Variants in EFR3A observed in about 807,000 individuals in gnomAD.
EFR3A encodes the protein protein EFR3 homolog A.
Under a neutral mutation model 104.4 loss-of-function variants are expected in EFR3A, and 76 were observed. The ratio of observed to expected loss-of-function variants is 0.73; its 90% CI spans 0.60 to 0.88. EFR3A has a LOEUF of 0.88. Among genes scored for constraint, EFR3A ranks in the 40% least tolerant of loss-of-function variants. The pLI is 0.00. For synonymous variants in EFR3A, 330 were observed against 330.0 expected, an observed-to-expected ratio of 1.00 and a Z score of 0.00; for missense variants, 985 against 1,012.5, an observed-to-expected ratio of 0.97 and a Z score of 0.37.
At chr8:131,924,107 A>G (rs1223497402) in intron 1 of EFR3A, 1 of 444,336 alleles carries the variant, frequency 2.3e-6, no homozygotes, top group Non-Finnish European at 4.5e-6. Flanking sequence ...ATGAATGCTT[A>G]TTAGATTGTT....
intron 1 of EFR3A, among the ~76,000 whole-genome samples, chr8:131,906,663 T>C (rs536593626): frequency 1.3e-5 from 2 of 152,322 alleles, no homozygotes; most frequent in Non-Finnish European, 2.9e-5. Flanking sequence ...ACTAGAATTA[T>C]TTTGGAGATC....
At chr8:131,929,164 T>A (rs1011695947) in intron 1 of EFR3A, among the ~76,000 whole-genome samples, 10 of 152,318 alleles carry the variant, frequency 6.6e-5, no homozygotes, top group Non-Finnish European at 1.5e-4. Flanking sequence ...TCATTCTCTC[T>A]TCTTGATATC....
At chr8:131,984,418 C>A in intron 15 of EFR3A, 118 bp downstream of exon 15, 1 of 954,284 alleles carries the variant, frequency 1.0e-6, no homozygotes, top group Non-Finnish European at 1.5e-6. Flanking sequence ...AGTTGTAAAT[C>A]TAAAATACTC....
At chr8:131,930,152 G>T (rs966933225) in intron 1 of EFR3A, among the ~76,000 whole-genome samples, 2 of 152,118 alleles carry the variant, frequency 1.3e-5, no homozygotes, top group Non-Finnish European at 2.9e-5. Context: ...AAACTCTTAA[G>T]AGTTTGTTTA....
At chr8:131,981,839 C>T (rs954959772) in intron 14 of EFR3A, among the ~76,000 whole-genome samples, 2 of 151,968 alleles carry the variant, frequency 1.3e-5, no homozygotes, top group African/African-American at 2.4e-5. Context: ...ACCCCTTATA[C>T]ATTGGGAGGT....
At chr8:131,950,832 A>G (rs1237498057) in intron 5 of EFR3A, among the ~76,000 whole-genome samples, 2 of 152,114 alleles carry the variant, frequency 1.3e-5, no homozygotes, top group Non-Finnish European at 1.5e-5. Flanking sequence ...ATTTTTAAAC[A>G]TTTCTTCTGG....
At chr8:131,990,814 T>G (rs1409026812) in intron 18 of EFR3A, among the ~76,000 whole-genome samples, 3 of 152,092 alleles carry the variant, frequency 2.0e-5, no homozygotes, top group African/African-American at 7.2e-5. Flanking sequence ...TTTATAGGCA[T>G]TTGATTGGTA....
intron 1 of EFR3A, among the ~76,000 whole-genome samples, chr8:131,929,374 T>G (rs1317535353): frequency 6.6e-6 from 1 of 152,176 alleles, no homozygotes; most frequent in Non-Finnish European, 1.5e-5. Flanking sequence ...AAAACCACAT[T>G]GTTTAAACCT....
chr8:131,904,364 G>A (rs954141582), intron 1 of EFR3A, 42 bp downstream of exon 1: 8 of 1,244,646 alleles, frequency 6.4e-6, no homozygotes, highest in African/African-American at 1.6e-5. Context: ...GGAGGCGACT[G>A]CCTGCGCGAC....
At chr8:131,952,081 A>G (rs1316572628) in intron 5 of EFR3A, among the ~76,000 whole-genome samples, 2 of 152,032 alleles carry the variant, frequency 1.3e-5, no homozygotes, top group Non-Finnish European at 1.5e-5. Flanking sequence ...AGAGTCATGC[A>G]TCACAATCTT....
At chr8:131,905,807 T>A (rs764362212) in intron 1 of EFR3A, among the ~76,000 whole-genome samples, 3 of 152,224 alleles carry the variant, frequency 2.0e-5, no homozygotes, top group Non-Finnish European at 2.9e-5. Context: ...TAAGCACCTA[T>A]TGAAAGTTGA....
Position 131,985,042 on chromosome 8 carries a change from T to G in EFR3A, c.1851T>G (p.Phe617Leu), listed in dbSNP as rs1218033013. 1.2e-6 allele frequency: 2 copies of G among 1,613,334 alleles called. No individual in the cohort carries two copies. The highest frequency in any genetic ancestry group is 1.7e-6 in the Non-Finnish European group (2 of 1,179,516). ...GTCAGATGATAGCTGTCCCTGCATT[T>G]TGCCAGCATGTTAGCAAGGTAATGT... ...FVSQMIAVPA[F>L]CQHVSKVIEI... Residue 617 changes from phenylalanine to leucine, a missense_variant, in exon 16 of 23, where the codon TTT (phenylalanine) becomes TTG (leucine). Physicochemically the swap from Phe to Leu is conservative, Grantham distance 22 (BLOSUM62 0). Transcript: ENST00000254624.
chr8:131,922,405 A>G (rs974932080), intron 1 of EFR3A, among the ~76,000 whole-genome samples: 4 of 152,156 alleles, frequency 2.6e-5, no homozygotes, highest in Admixed American at 2.0e-4. Flanking sequence ...AGCAATTTGA[A>G]TGTCAGATTT....
intron 1 of EFR3A, chr8:131,939,971 G>A (rs1818081742): frequency 6.5e-6 from 1 of 153,284 alleles, no homozygotes; most frequent in African/African-American, 2.4e-5. Flanking sequence ...ATGGGAAAAA[G>A]AAGGTAGAGC....
chr8:131,935,774 CAGTT>C (rs1817849331), intron 1 of EFR3A, among the ~76,000 whole-genome samples: 4 of 151,600 alleles, frequency 2.6e-5, no homozygotes, highest in Admixed American at 1.3e-4. Context: ...GGCATGGTGG[CAGTT>C]AGTGGTGGAG....
chr8:131,959,389 G>C (rs1295105172), intron 7 of EFR3A, among the ~76,000 whole-genome samples, 196 bp from the exon 8 acceptor site: 1 of 152,088 alleles, frequency 6.6e-6, no homozygotes, highest in African/African-American at 2.4e-5. Flanking sequence ...AACTACTTCT[G>C]GTCCACAGCA....
At chr8:131,932,915 C>G (rs530829677) in intron 1 of EFR3A, among the ~76,000 whole-genome samples, 2 of 152,120 alleles carry the variant, frequency 1.3e-5, no homozygotes, top group Non-Finnish European at 2.9e-5. Context: ...CTGTTTTTCT[C>G]CCTCTTAATC....
chr8:132,011,103 A>C lies in EFR3A; in HGVS notation c.*208A>C, dbSNP rs938379422. On this transcript the variant is annotated 3_prime_UTR_variant, in exon 23 of 23. Transcript: ENST00000254624. ...TTCAAAGATAGATTTATGCCATGTT[A>C]ATTTGCTTTGAGGTTCCTGTTGCCT... 1.2e-4 allele frequency: 149 copies of C among 1,224,354 alleles called. 2 individuals are homozygous for C. The East Asian group carries it at 4.2e-3, about 35-fold the overall frequency. 75.8% of individuals were successfully genotyped at this position (1,224,354 alleles called of 1,614,324 possible). A position where few individuals can be genotyped will look rare whatever the true frequency, so the allele number is the denominator to read the frequency against.
At chr8:131,908,694 G>C (rs929517543) in intron 1 of EFR3A, among the ~76,000 whole-genome samples, 1 of 152,142 alleles carries the variant, frequency 6.6e-6, no homozygotes, top group African/African-American at 2.4e-5. Context: ...TTAAGTCCCA[G>C]CTCTTTTTTC....
Sources: allele counts gnomAD v4.1 joint callset (sites outside exome capture counted in the v4.1 genomes callset), GRCh38; gene constraint gnomAD v4.1.1; transcripts MANE v1.5; gene names NCBI Gene and HGNC (gene_info 2026-07-23, HGNC 2026-07-21).